Variants in SEL1L2 observed in about 807,000 individuals in gnomAD.
The protein encoded by SEL1L2 is SEL1L2 adaptor subunit of SYVN1 ubiquitin ligase, also known as protein sel-1 homolog 2.
In SEL1L2, 89 loss-of-function variants were observed where a neutral mutation model predicts 98.8. That is an observed-to-expected ratio of 0.90 (90% CI 0.76 to 1.07). The LOEUF (loss-of-function observed/expected upper bound fraction) is 1.07. SEL1L2 is among the 50% of genes least tolerant of loss of function. The pLI, the probability that SEL1L2 is intolerant of heterozygous loss-of-function variation, is 0.00. For synonymous variants in SEL1L2, 262 were observed against 278.5 expected (o/e 0.94, Z 0.59); for missense variants, 788 against 812.0 (o/e 0.97, Z 0.36).
chr20:13,866,689 A>C lies in SEL1L2; in HGVS notation c.1404+13T>G. The C allele has an allele frequency of 6.5e-7, 1 of 1,539,670 alleles. No homozygotes were observed. Among genetic ancestry groups the C allele is most frequent in the Non-Finnish European group, 8.7e-7 (1 of 1,147,648 alleles). ...TGACAAGTGCTTTAAAAACAGCCGC[A>C]TATTATATTTACCTCCACAGCAGTT... On this transcript the variant is annotated intron_variant, in intron 15 of 19. Transcript: ENST00000284951.
In SEL1L2 at chr20:13,960,668, G is replaced by A. The variant is rs372159837; in HGVS notation, c.59-4537C>T. The stretch of plus-strand genomic sequence containing the variant: ...ATAATACTTTAGAGTAGCTTGTTTC[G>A]TACCACTTGAGAAACATTGGTGATT... On this transcript the variant is annotated intron_variant, in intron 1 of 19. Transcript: ENST00000284951. Among the ~76,000 whole-genome samples, 18 of 151,972 alleles carry A rather than the reference G, an allele frequency of 1.2e-4. No homozygotes were observed. In the East Asian group the frequency reaches 2.9e-3, roughly 25 times the overall value.
chr20:13,876,404 CTCT>C (rs1357738436), intron 11 of SEL1L2, among the ~76,000 whole-genome samples: 1 of 117,300 alleles, frequency 8.5e-6, no homozygotes, highest in African/African-American at 3.3e-5. Flanking sequence ...CTCTCTCTCT[CTCT>C]TTTTTTTTTT....
At chr20:13,914,329 T>C (rs1297637075) in intron 4 of SEL1L2, among the ~76,000 whole-genome samples, 2 of 152,288 alleles carry the variant, frequency 1.3e-5, no homozygotes, top group African/African-American at 4.8e-5. Context: ...TTTATGAATA[T>C]TTGTTTTATA....
At chr20:13,896,715 C>T (rs908353702) in intron 5 of SEL1L2, among the ~76,000 whole-genome samples, 1 of 152,066 alleles carries the variant, frequency 6.6e-6, no homozygotes. Flanking sequence ...AGGTAAAAGA[C>T]TTTTACAGAA....
At chr20:13,853,837 A>G (rs1012982108) in intron 18 of SEL1L2, among the ~76,000 whole-genome samples, 3 of 152,246 alleles carry the variant, frequency 2.0e-5, no homozygotes, top group African/African-American at 7.2e-5. Flanking sequence ...AATAACGTAT[A>G]TAACATGGCT....
chr20:13,849,566 G>A lies in SEL1L2; in HGVS notation c.1986C>T (p.Thr662=). Residue 662 remains threonine (T), a synonymous_variant, in exon 20 of 20, where the codon ACC becomes ACT. Coordinates refer to ENST00000284951, the MANE Select transcript of SEL1L2 (RefSeq NM_025229.2). ...CAAATAAGTCCCAGTGTGGTCCAAT[G>A]GTGTTGTCCAGTTTCAGCCAGTTCC... is the stretch of plus-strand genomic sequence containing the variant. ...TRWNWLKLDN[T]IGPHWDLFVI... is the part of the protein sequence containing the mutation. The A allele has an allele frequency of 6.2e-7, 1 of 1,614,024 alleles. No homozygotes were observed. The highest frequency in any genetic ancestry group is 8.5e-7 in the Non-Finnish European group (1 of 1,179,948).
In SEL1L2 at chr20:13,964,446, C is replaced by CTTTT. The variant is rs568049752; in HGVS notation, c.59-8316_59-8315insAAAA. Among the ~76,000 whole-genome samples, 261 of 105,088 alleles carry CTTTT rather than the reference C, an allele frequency of 2.5e-3. 2 individuals are homozygous for CTTTT. Among genetic ancestry groups the CTTTT allele is most frequent in the Middle Eastern group, 6.3e-3 (1 of 160 alleles). 68.9% of individuals were successfully genotyped at this position (105,088 alleles called of 152,430 possible). A position where few individuals can be genotyped will look rare whatever the true frequency, so the allele number is the denominator to read the frequency against. ...TGTGCTCTGCTATCTGCTATCTCTTCATTTTTTTTTTTTTTTTTTTTCTGA... is the reference window on the plus strand; with the variant it reads ...TGTGCTCTGCTATCTGCTATCTCTTCTTTTATTTTTTTTTTTTTTTTTTTTCTGA... On this transcript the variant is annotated intron_variant, in intron 1 of 19. Coordinates refer to ENST00000284951, the MANE Select transcript of SEL1L2 (RefSeq NM_025229.2).
Position 13,869,599 on chromosome 20 carries a change from T to C in SEL1L2, c.1168-9A>G, listed in dbSNP as rs767809368. The C allele has an allele frequency of 6.2e-6, 10 of 1,609,412 alleles. No homozygotes were observed. In the African/African-American group the frequency reaches 1.1e-4, roughly 17 times the overall value. The stretch of plus-strand genomic sequence containing the variant: ...AGTGCTTCGGCATAATTCTGCAAGA[T>C]AATTACACTCTATTACTCAAAGGCA... On this transcript the variant is annotated splice_polypyrimidine_tract_variant and intron_variant, in intron 13 of 19. Coordinates refer to ENST00000284951, the MANE Select transcript of SEL1L2 (RefSeq NM_025229.2).
intron 5 of SEL1L2, among the ~76,000 whole-genome samples, chr20:13,897,347 C>T (rs1407495188): frequency 6.6e-6 from 1 of 152,116 alleles, no homozygotes; most frequent in Non-Finnish European, 1.5e-5. Context: ...TTGGATTTGG[C>T]AGTGATTTCT....
intron 1 of SEL1L2, among the ~76,000 whole-genome samples, chr20:13,983,045 A>AAAAAAAAAAC (rs1431339711): frequency 6.9e-6 from 1 of 145,370 alleles, no homozygotes; most frequent in Non-Finnish European, 1.5e-5. Flanking sequence ...AAAAAAAAAA[A>AAAAAAAAAAC]AAAGCAGCAG....
intron 5 of SEL1L2, among the ~76,000 whole-genome samples, chr20:13,905,871 C>CTTTT (rs903449859): frequency 6.5e-5 from 8 of 123,764 alleles, no homozygotes; most frequent in South Asian, 2.6e-4. Context: ...TTTTCTTTTC[C>CTTTT]TTTTTTTTTT....
In SEL1L2 at chr20:13,945,485, C is replaced by CAT. The variant is rs150808080; in HGVS notation, c.114+10589_114+10590dup. Among the ~76,000 whole-genome samples the CAT allele has an allele frequency of 6.7e-3, 1,000 of 148,250 alleles. 5 individuals carry two copies. Among genetic ancestry groups the CAT allele is most frequent in the African/African-American group, 0.016 (666 of 40,564 alleles). The stretch of plus-strand genomic sequence containing the variant: ...CACACTATGTACATTTTAATATATA[C>CAT]ATATATATATATATATTTACATTTC... On this transcript the variant is annotated intron_variant, in intron 2 of 19. Coordinates refer to ENST00000284951, the MANE Select transcript of SEL1L2 (RefSeq NM_025229.2).
intron 12 of SEL1L2, among the ~76,000 whole-genome samples, chr20:13,872,022 A>G (rs1206133263): frequency 1.3e-5 from 2 of 152,162 alleles, no homozygotes; most frequent in Admixed American, 6.5e-5. Flanking sequence ...CAAGACTCCA[A>G]ATTTTGAGCC....
At chr20:13,873,015 G>C (rs1432329548) in intron 12 of SEL1L2, among the ~76,000 whole-genome samples, 1 of 148,202 alleles carries the variant, frequency 6.7e-6, no homozygotes, top group Non-Finnish European at 1.5e-5. Context: ...TTTTGAGACA[G>C]ACTCTTGCTC....
chr20:13,991,702 C>T (rs1320334562), upstream of SEL1L2, among the ~76,000 whole-genome samples: 1 of 152,128 alleles, frequency 6.6e-6, no homozygotes, highest in Admixed American at 6.6e-5. Context: ...TCTCAAGATC[C>T]TTAATGTTGG....
chr20:13,858,120 G>A (rs1446054141), intron 18 of SEL1L2, among the ~76,000 whole-genome samples: 1 of 152,132 alleles, frequency 6.6e-6, no homozygotes, highest in Non-Finnish European at 1.5e-5. Context: ...CAAAAGGCAG[G>A]CTGCAGGGGA....
At chr20:13,852,223 T>A (rs1048459126) in intron 18 of SEL1L2, among the ~76,000 whole-genome samples, 2 of 152,186 alleles carry the variant, frequency 1.3e-5, no homozygotes, top group African/African-American at 4.8e-5. Context: ...ACTTATGTCT[T>A]GCGGTAGAAG....
Position 13,885,368 on chromosome 20 carries a change from T to A in SEL1L2, c.936A>T (p.Lys312Asn), listed in dbSNP as rs781364088. The A allele has an allele frequency of 1.2e-6, 2 of 1,606,294 alleles. No homozygotes were observed. The highest frequency in any genetic ancestry group is 1.7e-6 in the Non-Finnish European group (2 of 1,172,886). Residue 312 changes from lysine to asparagine, a missense_variant, in exon 10 of 20, where the codon AAA becomes AAT. Transcript: ENST00000284951. ...SLGQLHLIGR[K>N]GLDQDYYKAL... ...TTACGTAGTAATCCTGATCTAGACCTTTCCTGCCAATTAGATGTAATTGTC... is the reference window on the plus strand; with the variant it reads ...TTACGTAGTAATCCTGATCTAGACCATTCCTGCCAATTAGATGTAATTGTC...
intron 2 of SEL1L2, among the ~76,000 whole-genome samples, chr20:13,946,859 G>A (rs551758991): frequency 1.4e-4 from 22 of 152,364 alleles, no homozygotes; most frequent in African/African-American, 5.3e-4. Context: ...CAGCTGGTGT[G>A]TGTGCACTTA....
Sources: gnomAD v4.1 joint callset for allele counts (sites outside exome capture counted in the v4.1 genomes callset) on GRCh38, gnomAD v4.1.1 for gene constraint, MANE v1.5 for transcripts, NCBI Gene and HGNC (gene_info 2026-07-23, HGNC 2026-07-21) for gene names.